Variants in PTPRE observed in about 807,000 individuals in gnomAD.
The protein encoded by PTPRE is receptor-type tyrosine-protein phosphatase epsilon.
In PTPRE, 51 loss-of-function variants were observed where a neutral mutation model predicts 102.0. The ratio of observed to expected loss-of-function variants is 0.50; its 90% CI spans 0.40 to 0.63. The LOEUF (loss-of-function observed/expected upper bound fraction) is 0.63, where lower values mean the gene tolerates loss of function less well. Among genes scored for constraint, PTPRE ranks in the 30% least tolerant of loss-of-function variants. PTPRE has a pLI of 0.00. For missense variants in PTPRE, 752 were observed against 915.1 expected, an observed-to-expected ratio of 0.82 and a Z score of 2.30; for synonymous variants, 345 against 348.2, an observed-to-expected ratio of 0.99 and a Z score of 0.10.
chr10:128,016,186 A>T (rs1449814461), intron 2 of PTPRE, among the ~76,000 whole-genome samples: 1 of 152,178 alleles, frequency 6.6e-6, no homozygotes, highest in Non-Finnish European at 1.5e-5. Context: ...GCCCAAACTC[A>T]TCATACCGTA....
chr10:128,052,682 A>G (rs1407754832), intron 6 of PTPRE, among the ~76,000 whole-genome samples: 1 of 152,216 alleles, frequency 6.6e-6, no homozygotes, highest in East Asian at 1.9e-4. Context: ...CCCCCGCTTC[A>G]GACAGGCTCG....
intron 1 of PTPRE, among the ~76,000 whole-genome samples, chr10:127,960,110 G>A (rs1849685419): frequency 1.3e-5 from 2 of 152,168 alleles, no homozygotes; most frequent in South Asian, 4.1e-4. Context: ...TCAGAAAGGA[G>A]ACCAATCCCT....
rs1364065361 is a variant in PTPRE, at chr10:128,047,423, T to TGGCCTGGCTGCTACTGCC, written c.145_162dup (p.Ala49_Pro54dup). The stretch of plus-strand genomic sequence containing the variant: ...GACCCGGGCGCCTCCCAGCCGCTGC[T>TGGCCTGGCTGCTACTGCC]GGCCTGGCTGCTACTGCCGCTGCTG... On this transcript the variant is annotated inframe_insertion, in exon 4 of 21. Transcript: ENST00000254667. 8.1e-6 allele frequency: 13 copies of TGGCCTGGCTGCTACTGCC among 1,613,106 alleles called. No individual in the cohort carries two copies. In the African/African-American group the frequency reaches 1.6e-4, roughly 20 times the overall value.
intron 9 of PTPRE, among the ~76,000 whole-genome samples, chr10:128,062,249 C>T (rs917537204): frequency 6.6e-6 from 1 of 152,224 alleles, no homozygotes; most frequent in African/African-American, 2.4e-5. Context: ...GACTTCCTCA[C>T]TCTTAGGCCA....
chr10:127,919,242 C>T (rs569785142), intron 1 of PTPRE, among the ~76,000 whole-genome samples: 1 of 152,310 alleles, frequency 6.6e-6, no homozygotes, highest in African/African-American at 2.4e-5. Context: ...TCTCAATAAC[C>T]TTTCTCATAG....
intron 2 of PTPRE, among the ~76,000 whole-genome samples, chr10:127,993,164 C>A (rs1053077569): frequency 6.6e-6 from 1 of 152,198 alleles, no homozygotes; most frequent in African/African-American, 2.4e-5. Flanking sequence ...GGTGTCACAG[C>A]AACCCAGGGG....
rs1042880433 is a variant in PTPRE, at chr10:128,084,836, G to A, written c.*1930G>A. 6 of 165,794 alleles carry A rather than the reference G, an allele frequency of 3.6e-5. No individual in the cohort carries two copies. Among genetic ancestry groups the A allele is most frequent in the South Asian group, 1.3e-4 (1 of 7,514 alleles). The allele number at this position is 165,794 out of a possible 1,614,324, so 10.3% of individuals were successfully genotyped here. On this transcript the variant is annotated 3_prime_UTR_variant, in exon 21 of 21. Coordinates refer to ENST00000254667, the MANE Select transcript of PTPRE (RefSeq NM_006504.6). ...TCTCTGGTCATTTATTTGAGAGTTC[G>A]AAGTCAAAGTCGAGGGGCACCGGCT...
At chr10:127,955,657 T>C (rs532842379) in intron 1 of PTPRE, among the ~76,000 whole-genome samples, 5 of 152,340 alleles carry the variant, frequency 3.3e-5, no homozygotes, top group Admixed American at 1.3e-4. Context: ...GTAAACATCA[T>C]GCAAGGACTT....
At chr10:127,982,427 T>C in intron 2 of PTPRE, 131 bp downstream of exon 2, 1 of 582,380 alleles carries the variant, frequency 1.7e-6, no homozygotes, top group South Asian at 1.9e-5. Context: ...GTGTTATATT[T>C]GAATTTTATG....
At chr10:128,047,030 G>A (rs908553019) in intron 3 of PTPRE, among the ~76,000 whole-genome samples, 5 of 152,154 alleles carry the variant, frequency 3.3e-5, no homozygotes, top group African/African-American at 7.2e-5. Flanking sequence ...TCAGCCTCCC[G>A]CGCTGTCCTA....
chr10:128,022,445 C>G (rs2135698280), intron 2 of PTPRE, among the ~76,000 whole-genome samples: 1 of 152,372 alleles, frequency 6.6e-6, no homozygotes, highest in South Asian at 2.1e-4. Context: ...GGGTCCAGAA[C>G]AGGAGTTGCC....
rs1413318971 is a variant in PTPRE at position 127,907,214 on chromosome 10, G to C, written c.-126G>C. 22 of 977,684 alleles carry C rather than the reference G, an allele frequency of 2.3e-5. No homozygotes were observed. Among genetic ancestry groups the C allele is most frequent in the African/African-American group, 1.8e-5 (1 of 56,998 alleles). The allele number at this position is 977,684 out of a possible 1,614,324, so 60.6% of individuals were successfully genotyped here. ...GCGACCCTTCTTCGCGCCCGGCGAA[G>C]ACAGCCGGGCGCCCCGGAGGGCGGC... On this transcript the variant is annotated 5_prime_UTR_variant, in exon 1 of 21. Transcript: ENST00000254667. This position sits in a 1 kb window ranked among gnomAD's most constrained non-coding sequence, Gnocchi z 4.8.
intron 1 of PTPRE, among the ~76,000 whole-genome samples, chr10:127,965,443 C>T (rs559868710): frequency 6.6e-6 from 1 of 152,160 alleles, no homozygotes; most frequent in South Asian, 2.1e-4. Flanking sequence ...TGTTATAAGC[C>T]ATGTTCTTCT....
intron 20 of PTPRE, 73 bp downstream of exon 20, chr10:128,079,768 T>C: frequency 6.6e-7 from 1 of 1,522,356 alleles, no homozygotes; most frequent in Non-Finnish European, 9.0e-7. Flanking sequence ...TATGTTTCAT[T>C]AAAGGACCTT....
At chr10:128,014,762 G>A (rs1328422637) in intron 2 of PTPRE, among the ~76,000 whole-genome samples, 2 of 152,074 alleles carry the variant, frequency 1.3e-5, no homozygotes, top group Non-Finnish European at 2.9e-5. Context: ...TCCCAGTGAG[G>A]GCACTGGGGG....
intron 1 of PTPRE, among the ~76,000 whole-genome samples, chr10:127,947,049 T>A (rs117958041): frequency 0.047 from 7,120 of 151,756 alleles, 257 homozygotes; most frequent in Middle Eastern, 0.078. Flanking sequence ...TATATGTTTT[T>A]AAATATCATT....
chr10:128,047,636 G>T, intron 4 of PTPRE, 128 bp from the exon 5 acceptor site: 1 of 1,614,162 alleles, frequency 6.2e-7, no homozygotes, highest in South Asian at 1.1e-5. Context: ...CCAGGCCTTA[G>T]CGCGGCTCAG....
Position 128,068,328 on chromosome 10 carries a change from C to T in PTPRE, c.1007+42C>T, listed in dbSNP as rs41282866. The T allele has an allele frequency of 0.041, 64,944 of 1,576,696 alleles. 1,443 individuals are homozygous for T. The highest frequency in any genetic ancestry group is 0.046 in the Non-Finnish European group (53,371 of 1,156,890). On this transcript the variant is annotated intron_variant, in intron 12 of 20. Transcript: ENST00000254667. ...ACGGGGCGGGACCCTCAAGGGCAGGCCACAGTGGGATGACTCATCCTCATG... is the reference window on the plus strand; with the variant it reads ...ACGGGGCGGGACCCTCAAGGGCAGGTCACAGTGGGATGACTCATCCTCATG...
chr10:128,009,067 C>T (rs1844756539), intron 2 of PTPRE, among the ~76,000 whole-genome samples: 1 of 152,226 alleles, frequency 6.6e-6, no homozygotes, highest in Non-Finnish European at 1.5e-5. Context: ...CAACATGGTG[C>T]TGGCTGTCAC....
Sources: allele counts gnomAD v4.1 joint callset (sites outside exome capture counted in the v4.1 genomes callset), GRCh38; gene constraint gnomAD v4.1.1; non-coding constraint Gnocchi (gnomAD v3.1); transcripts MANE v1.5; gene names NCBI Gene and HGNC (gene_info 2026-07-23, HGNC 2026-07-21).